Variants in KIZ observed in about 807,000 individuals in gnomAD.
The protein encoded by KIZ is kizuna centrosomal protein, also known as centrosomal protein kizuna.
Under a neutral mutation model 79.6 loss-of-function variants are expected in KIZ, and 68 were observed. The ratio of observed to expected loss-of-function variants is 0.85; its 90% CI spans 0.70 to 1.05. The LOEUF (loss-of-function observed/expected upper bound fraction) is 1.05. Among genes scored for constraint, KIZ ranks in the 50% least tolerant of loss-of-function variants. KIZ has a pLI of 0.00. For missense variants in KIZ, 797 were observed against 800.4 expected, an observed-to-expected ratio of 1.00 and a Z score of 0.05; for synonymous variants, 280 against 281.8, an observed-to-expected ratio of 0.99 and a Z score of 0.06.
At chr20:21,187,573 C>T (rs182133849) in intron 6 of KIZ, among the ~76,000 whole-genome samples, 2 of 152,276 alleles carry the variant, frequency 1.3e-5, no homozygotes, top group East Asian at 3.9e-4. Flanking sequence ...TCCCTGAATC[C>T]GCTCACCTAG....
intron 6 of KIZ, among the ~76,000 whole-genome samples, chr20:21,184,044 G>A (rs2047999404): frequency 6.6e-6 from 1 of 152,186 alleles, no homozygotes; most frequent in South Asian, 2.1e-4. Context: ...CAAGCTGTAT[G>A]GGTTAGGATA....
In KIZ at chr20:21,205,312, A is replaced by G. The variant is rs147161171; in HGVS notation, c.1353-179A>G. 1.0e-3 allele frequency among the ~76,000 whole-genome samples: 158 copies of G among 152,288 alleles called. 2 individuals are homozygous for G. Among genetic ancestry groups the G allele is most frequent in the African/African-American group, 3.6e-3 (150 of 41,570 alleles). Reference sequence around the variant, plus strand: ...ATGCTCATTTAGCAATGAAATAACCAAAGTTTTTAAAAGTTTAAAAAAAAG... The same window carrying G: ...ATGCTCATTTAGCAATGAAATAACCGAAGTTTTTAAAAGTTTAAAAAAAAG... On this transcript the variant is annotated intron_variant, in intron 6 of 12. Coordinates refer to ENST00000619189, the MANE Select transcript of KIZ (RefSeq NM_018474.6).
chr20:21,224,453 T>G (rs2123390691), intron 9 of KIZ, among the ~76,000 whole-genome samples: 1 of 152,320 alleles, frequency 6.6e-6, no homozygotes, highest in South Asian at 2.1e-4. Flanking sequence ...AGCACTTAGG[T>G]GTAGAAATAT....
rs564693838 is a variant in KIZ at position 21,143,180 on chromosome 20, A to G, written c.316-2385A>G. Reference sequence around the variant, plus strand: ...CATCTCTCATACTGACTTGAGGATCAAATCAGCCCATTATGTAACTCTCTG... The same window carrying G: ...CATCTCTCATACTGACTTGAGGATCGAATCAGCCCATTATGTAACTCTCTG... On this transcript the variant is annotated intron_variant, in intron 3 of 12. Coordinates refer to ENST00000619189, the MANE Select transcript of KIZ (RefSeq NM_018474.6). 5.9e-5 allele frequency among the ~76,000 whole-genome samples: 9 copies of G among 152,308 alleles called. No homozygotes were observed. In the East Asian group the frequency reaches 1.7e-3, roughly 29 times the overall value.
chr20:21,246,429 C>G (rs1008796731), intron 12 of KIZ, 50 bp from the exon 13 acceptor site: 2 of 1,182,422 alleles, frequency 1.7e-6, no homozygotes, highest in African/African-American at 3.0e-5. Flanking sequence ...TTTGTAAGCT[C>G]TTAACCAGAA....
At chr20:21,233,125 A>G (rs1057333867) in intron 11 of KIZ, among the ~76,000 whole-genome samples, 2 of 152,212 alleles carry the variant, frequency 1.3e-5, no homozygotes, top group Non-Finnish European at 2.9e-5. Context: ...GAGACCACAC[A>G]ATGGAGGTTG....
At chr20:21,135,392 A>G (rs933298594) in intron 2 of KIZ, among the ~76,000 whole-genome samples, 2 of 152,214 alleles carry the variant, frequency 1.3e-5, no homozygotes, top group Non-Finnish European at 2.9e-5. Flanking sequence ...ATGGGCAGCA[A>G]TAAGACCAGC....
intron 7 of KIZ, among the ~76,000 whole-genome samples, chr20:21,206,028 A>G (rs2035814543): frequency 6.6e-6 from 1 of 152,140 alleles, no homozygotes; most frequent in South Asian, 2.1e-4. Flanking sequence ...AACGATAAGA[A>G]AAGTAGTAAG....
chr20:21,239,813 C>T (rs2037155600), intron 11 of KIZ, among the ~76,000 whole-genome samples: 1 of 152,200 alleles, frequency 6.6e-6, no homozygotes, highest in Non-Finnish European at 1.5e-5. Context: ...GAAGTCCTGG[C>T]TGGCCCTAAC....
intron 6 of KIZ, among the ~76,000 whole-genome samples, chr20:21,191,723 G>A (rs1395872813): frequency 1.3e-5 from 2 of 152,184 alleles, no homozygotes; most frequent in East Asian, 1.9e-4. Flanking sequence ...AACAGGGGGG[G>A]AAGCATCCAG....
intron 6 of KIZ, among the ~76,000 whole-genome samples, chr20:21,165,695 C>G (rs911391158): frequency 6.6e-6 from 1 of 152,224 alleles, no homozygotes; most frequent in African/African-American, 2.4e-5. Flanking sequence ...ATGGATTTTA[C>G]TCCTGTGATG....
chr20:21,220,766 C>T (rs984424660), intron 9 of KIZ, among the ~76,000 whole-genome samples: 7 of 152,226 alleles, frequency 4.6e-5, no homozygotes, highest in African/African-American at 1.4e-4. Flanking sequence ...AGGCGTGAGC[C>T]GCCACGCCCG....
At chr20:21,233,592 C>G (rs1448403333) in intron 11 of KIZ, among the ~76,000 whole-genome samples, 1 of 152,102 alleles carries the variant, frequency 6.6e-6, no homozygotes, top group Non-Finnish European at 1.5e-5. Flanking sequence ...AAAAAGGTGT[C>G]CTTCAGATGA....
At chr20:21,201,761 C>T (rs1316161524) in intron 6 of KIZ, among the ~76,000 whole-genome samples, 5 of 152,150 alleles carry the variant, frequency 3.3e-5, no homozygotes, top group African/African-American at 1.2e-4. Flanking sequence ...AATTTTCCAA[C>T]GTAAATTAGA....
chr20:21,203,811 A>G (rs1029577177), intron 6 of KIZ, among the ~76,000 whole-genome samples: 2 of 152,200 alleles, frequency 1.3e-5, no homozygotes, highest in Admixed American at 6.5e-5. Context: ...AAAAAAAAAC[A>G]TAAAATTAGC....
At chr20:21,194,082 C>T (rs951827753) in intron 6 of KIZ, 4 of 152,166 alleles carry the variant, frequency 2.6e-5, no homozygotes, top group Admixed American at 1.3e-4. Context: ...GTGGAGTTGT[C>T]TCCTAAATCC....
chr20:21,208,469 C>T (rs1202372088), intron 7 of KIZ, among the ~76,000 whole-genome samples: 2 of 152,068 alleles, frequency 1.3e-5, no homozygotes, highest in Non-Finnish European at 1.5e-5. Flanking sequence ...TTTGGGAGGC[C>T]GAGGTGGGCG....
chr20:21,153,290 T>C (rs967448880), intron 4 of KIZ, among the ~76,000 whole-genome samples: 1 of 152,140 alleles, frequency 6.6e-6, no homozygotes, highest in Non-Finnish European at 1.5e-5. Flanking sequence ...TTGCCACTTA[T>C]TTAAGATAGT....
intron 6 of KIZ, among the ~76,000 whole-genome samples, chr20:21,200,455 C>T (rs545497676): frequency 2.0e-5 from 3 of 151,744 alleles, no homozygotes; most frequent in Admixed American, 2.0e-4. Context: ...TACAATTCAC[C>T]ATAATGGAAA....
Sources: gnomAD v4.1 joint callset for allele counts (sites outside exome capture counted in the v4.1 genomes callset) on GRCh38, gnomAD v4.1.1 for gene constraint, MANE v1.5 for transcripts, NCBI Gene and HGNC (gene_info 2026-07-23, HGNC 2026-07-21) for gene names.